The following NELL1 variants were observed in gnomAD, a reference collection of about 807,000 sequenced individuals.
NELL1 encodes the protein neural EGFL like 1.
In NELL1, 76 loss-of-function variants were observed where a neutral mutation model predicts 107.4. The observed-to-expected ratio is 0.71, with a 90% CI of 0.59 to 0.86. The LOEUF (loss-of-function observed/expected upper bound fraction) is 0.86, where lower values mean the gene tolerates loss of function less well. Ranked by LOEUF, NELL1 falls within the 40% of genes least tolerant of loss-of-function variation. NELL1 has a pLI of 0.00. For missense variants in NELL1, 1,024 were observed against 1,005.5 expected (o/e 1.02, Z -0.25); for synonymous variants, 353 against 341.2 (o/e 1.03, Z -0.38).
chr11:21,251,073 A>G (rs1858625870), intron 14 of NELL1, among the ~76,000 whole-genome samples: 1 of 152,174 alleles, frequency 6.6e-6, no homozygotes, highest in Admixed American at 6.6e-5. Context: ...GCCATTTATC[A>G]GGCATATATA....
At chr11:20,844,624 C>T (rs776928820) in intron 3 of NELL1, among the ~76,000 whole-genome samples, 7 of 152,130 alleles carry the variant, frequency 4.6e-5, no homozygotes, top group African/African-American at 1.2e-4. Context: ...GGCAGCGCCA[C>T]GTGGCTCCTA....
intron 12 of NELL1, chr11:21,000,803 GA>G (rs1159715719): frequency 6.6e-6 from 1 of 152,172 alleles, no homozygotes; most frequent in Non-Finnish European, 1.5e-5. Flanking sequence ...CACATGCGTA[GA>G]ACAGAATAGC....
At chr11:21,348,981 C>T (rs901156592) in intron 14 of NELL1, among the ~76,000 whole-genome samples, 1 of 152,132 alleles carries the variant, frequency 6.6e-6, no homozygotes, top group Non-Finnish European at 1.5e-5. Flanking sequence ...TTACGAAGAG[C>T]CTTCACAGGT....
intron 15 of NELL1, among the ~76,000 whole-genome samples, chr11:21,381,904 A>ATTTTTTTTTTTTTTTTTTTTT (rs149327802): frequency 2.2e-5 from 2 of 91,356 alleles, no homozygotes; most frequent in African/African-American, 4.5e-5. Context: ...CCTGGAAGGG[A>ATTTTTTTTTTTTTTTTTTTTT]TTTTTTTTTT....
intron 12 of NELL1, among the ~76,000 whole-genome samples, chr11:20,996,095 G>A (rs1488699240): frequency 6.6e-6 from 1 of 152,176 alleles, no homozygotes; most frequent in Non-Finnish European, 1.5e-5. Context: ...TCTTCAGTAT[G>A]ATCTCATTCT....
chr11:21,359,916 T>A (rs1404794478), intron 14 of NELL1, among the ~76,000 whole-genome samples: 2 of 152,194 alleles, frequency 1.3e-5, no homozygotes, highest in African/African-American at 4.8e-5. Flanking sequence ...CTATCAATTT[T>A]GTTTATCTTT....
chr11:21,352,465 A>C (rs1850839854), intron 14 of NELL1, among the ~76,000 whole-genome samples: 1 of 152,158 alleles, frequency 6.6e-6, no homozygotes, highest in South Asian at 2.1e-4. Flanking sequence ...AATTCATAGA[A>C]GCATTCAAAA....
intron 2 of NELL1, among the ~76,000 whole-genome samples, chr11:20,719,449 CACAT>C (rs1048308055): frequency 9.9e-5 from 13 of 130,886 alleles, no homozygotes; most frequent in African/African-American, 3.1e-4. Flanking sequence ...CACACACACA[CACAT>C]AGTTTTGGAA....
chr11:21,085,874 G>T (rs559993626), intron 12 of NELL1, among the ~76,000 whole-genome samples: 3 of 152,148 alleles, frequency 2.0e-5, no homozygotes, highest in Non-Finnish European at 4.4e-5. Flanking sequence ...GAAGAGAGGG[G>T]TATGACCTGA....
At chr11:20,912,129 A>G (rs150497058) in intron 5 of NELL1, among the ~76,000 whole-genome samples, 61 of 152,326 alleles carry the variant, frequency 4.0e-4, no homozygotes, top group Non-Finnish European at 7.6e-4. Context: ...CTTTATAGGC[A>G]AAGTAAAAGC....
chr11:21,293,325 GA>G (rs910506127), intron 14 of NELL1, among the ~76,000 whole-genome samples: 4 of 152,164 alleles, frequency 2.6e-5, no homozygotes, highest in African/African-American at 9.6e-5. Flanking sequence ...ACAAACATAT[GA>G]AAAAAACTCA....
At chr11:21,350,393 A>G (rs992023553) in intron 14 of NELL1, among the ~76,000 whole-genome samples, 2 of 152,150 alleles carry the variant, frequency 1.3e-5, no homozygotes, top group Non-Finnish European at 2.9e-5. Context: ...AATAACCACT[A>G]ATATTTAACA....
chr11:21,212,187 T>C (rs1458597581), intron 13 of NELL1, among the ~76,000 whole-genome samples: 1 of 152,156 alleles, frequency 6.6e-6, no homozygotes, highest in African/African-American at 2.4e-5. Context: ...AATATAATAT[T>C]AGGCCATATA....
intron 4 of NELL1, 78 bp downstream of exon 4, chr11:20,847,831 C>T: frequency 7.0e-7 from 1 of 1,433,254 alleles, no homozygotes; most frequent in Non-Finnish European, 9.4e-7. Context: ...TATCAAATTC[C>T]TTCAAGACTT....
Position 21,111,723 on chromosome 11 carries a change from C to G in NELL1, c.1301-1866C>G, listed in dbSNP as rs546387712. On this transcript the variant is annotated intron_variant, in intron 12 of 19. Transcript: ENST00000357134. ...TATGCTTCCACTCAGATTTCATGAT[C>G]AATCATGAGATTAATTTAAACCATG... Among the ~76,000 whole-genome samples the G allele has an allele frequency of 2.0e-5, 3 of 152,080 alleles. No homozygotes were observed. The South Asian group carries it at 6.2e-4, about 32-fold the overall frequency.
chr11:21,021,715 C>CAAATCTGTTTAT (rs1852706096), intron 12 of NELL1, among the ~76,000 whole-genome samples: 1 of 151,962 alleles, frequency 6.6e-6, no homozygotes, highest in Admixed American at 6.6e-5. Flanking sequence ...GGCCCATTTG[C>CAAATCTGTTTAT]AAATCTGTTT....
chr11:21,049,755 G>A (rs1284007721), intron 12 of NELL1, among the ~76,000 whole-genome samples: 1 of 151,646 alleles, frequency 6.6e-6, no homozygotes, highest in African/African-American at 2.4e-5. Flanking sequence ...TCAGCTCCCT[G>A]CAACCTCCAT....
At chr11:21,236,951 T>C (rs1056139338) in intron 14 of NELL1, among the ~76,000 whole-genome samples, 2 of 152,274 alleles carry the variant, frequency 1.3e-5, no homozygotes, top group Admixed American at 1.3e-4. Flanking sequence ...CTACATGACT[T>C]AGGGACTGCA....
At chr11:21,479,042 C>A (rs532363232) in intron 15 of NELL1, among the ~76,000 whole-genome samples, 4 of 152,184 alleles carry the variant, frequency 2.6e-5, no homozygotes, top group African/African-American at 7.2e-5. Context: ...GGTATAACAA[C>A]TCCTGGCAAG....
Sources: gnomAD v4.1 joint callset for allele counts (sites outside exome capture counted in the v4.1 genomes callset) on GRCh38, gnomAD v4.1.1 for gene constraint, MANE v1.5 for transcripts, NCBI Gene and HGNC (gene_info 2026-07-23, HGNC 2026-07-21) for gene names.